SEC24B: variants seen among roughly 807,000 people sequenced by gnomAD.
SEC24B encodes protein transport protein Sec24B.
Under a neutral mutation model 142.8 loss-of-function variants are expected in SEC24B, and 45 were observed. The ratio of observed to expected loss-of-function variants is 0.32; its 90% CI spans 0.25 to 0.40. SEC24B has a LOEUF of 0.40. Among genes scored for constraint, SEC24B ranks in the 10% least tolerant of loss-of-function variants. The pLI, the probability that SEC24B is intolerant of heterozygous loss-of-function variation, is 1.00. For missense variants in SEC24B, 1,409 were observed against 1,526.8 expected, an observed-to-expected ratio of 0.92 and a Z score of 1.29; for synonymous variants, 574 against 568.2, an observed-to-expected ratio of 1.01 and a Z score of -0.15.
intron 11 of SEC24B, among the ~76,000 whole-genome samples, chr4:109,519,055 C>T (rs1016541259): frequency 1.3e-5 from 2 of 152,080 alleles, no homozygotes; most frequent in African/African-American, 4.8e-5. Flanking sequence ...GATCCACCCA[C>T]CTCGGCCTCC....
intron 1 of SEC24B, among the ~76,000 whole-genome samples, 195 bp from the exon 2 acceptor site, chr4:109,462,706 G>C (rs948834783): frequency 6.6e-6 from 1 of 152,188 alleles, no homozygotes; most frequent in African/African-American, 2.4e-5. Flanking sequence ...CTACAAGGGT[G>C]TGAATAACAG....
chr4:109,468,576 T>C (rs1206882203), intron 2 of SEC24B, among the ~76,000 whole-genome samples: 1 of 152,216 alleles, frequency 6.6e-6, no homozygotes, highest in Non-Finnish European at 1.5e-5. Flanking sequence ...CAGATTTGTG[T>C]TTCAGAACTT....
intron 1 of SEC24B, among the ~76,000 whole-genome samples, chr4:109,460,144 C>A (rs1731108974): frequency 6.6e-6 from 1 of 152,030 alleles, no homozygotes; most frequent in African/African-American, 2.4e-5. Flanking sequence ...ATATTTTTCC[C>A]TTACAGCTTG....
At chr4:109,523,880 C>G (rs1298467145) in intron 14 of SEC24B, among the ~76,000 whole-genome samples, 2 of 152,186 alleles carry the variant, frequency 1.3e-5, no homozygotes, top group East Asian at 3.9e-4. Context: ...AGTAGCATTG[C>G]TTTTTTTATT....
intron 2 of SEC24B, among the ~76,000 whole-genome samples, chr4:109,466,253 C>G (rs541641438): frequency 6.6e-6 from 1 of 152,024 alleles, no homozygotes; most frequent in African/African-American, 2.4e-5. Flanking sequence ...GTTGCAGTGC[C>G]TTGGGGAGCC....
At chr4:109,488,022 T>C (rs1466375700) in intron 4 of SEC24B, among the ~76,000 whole-genome samples, 1 of 152,176 alleles carries the variant, frequency 6.6e-6, no homozygotes, top group South Asian at 2.1e-4. Flanking sequence ...CTTTGGACTT[T>C]ATTTTTTTTC....
chr4:109,455,183 T>C (rs1730537150), intron 1 of SEC24B, among the ~76,000 whole-genome samples: 1 of 152,164 alleles, frequency 6.6e-6, no homozygotes. Flanking sequence ...AAGAATTCAT[T>C]GTCAATCCCA....
intron 1 of SEC24B, among the ~76,000 whole-genome samples, chr4:109,445,967 CTTTT>C (rs34601695): frequency 3.1e-5 from 4 of 130,942 alleles, no homozygotes; most frequent in African/African-American, 5.6e-5. Context: ...TTCTAAGATG[CTTTT>C]TTTTTTTTTT....
intron 1 of SEC24B, among the ~76,000 whole-genome samples, chr4:109,453,609 C>A (rs866385710): frequency 6.6e-6 from 1 of 152,060 alleles, no homozygotes; most frequent in African/African-American, 2.4e-5. Flanking sequence ...TCCTGAAAAT[C>A]GCTGTTATCC....
At chr4:109,515,438 C>A (rs1416159959) in intron 10 of SEC24B, among the ~76,000 whole-genome samples, 1 of 151,970 alleles carries the variant, frequency 6.6e-6, no homozygotes, top group Admixed American at 6.6e-5. Flanking sequence ...TTAATATATT[C>A]TTTTATTTTA....
chr4:109,462,886 T>C lies in SEC24B; in HGVS notation c.134-15T>C. 1.7e-6 allele frequency: 1 copy of C among 582,764 alleles called. No homozygotes were observed. The highest frequency in any genetic ancestry group is 2.6e-6 in the Non-Finnish European group (1 of 379,370). The allele number at this position is 582,764 out of a possible 1,614,324, so 36.1% of individuals were successfully genotyped here. ...TTATCTCTTTACAAATACCTGTAAA[T>C]ACTTGCTTTTTCAGGTCCAGCCCAG... On this transcript the variant is annotated splice_polypyrimidine_tract_variant and intron_variant, in intron 1 of 23. Transcript: ENST00000265175.
chr4:109,502,390 A>G (rs1386062438), intron 6 of SEC24B, among the ~76,000 whole-genome samples: 1 of 152,238 alleles, frequency 6.6e-6, no homozygotes, highest in African/African-American at 2.4e-5. Flanking sequence ...GATTAGAGAT[A>G]GGAGTATTTG....
intron 6 of SEC24B, among the ~76,000 whole-genome samples, chr4:109,500,391 A>C (rs113166007): frequency 6.6e-6 from 1 of 151,882 alleles, no homozygotes; most frequent in African/African-American, 2.4e-5. Flanking sequence ...TAAAAATACA[A>C]AAATTACCTG....
chr4:109,521,774 C>A, intron 14 of SEC24B, 148 bp downstream of exon 14: 1 of 654,634 alleles, frequency 1.5e-6, no homozygotes. Context: ...CACTGTTGCC[C>A]AGGCTGGAGC....
rs910581814 is a variant in SEC24B, at chr4:109,498,553, A to G, written c.1488+3697A>G. On this transcript the variant is annotated intron_variant, in intron 6 of 23. Coordinates refer to ENST00000265175, the MANE Select transcript of SEC24B (RefSeq NM_006323.5). ...CTAATTTTTTGTATTTTTAGTAGAG[A>G]CAGGGTTTCACTGTGTTAGCCAGGA... Among the ~76,000 whole-genome samples the G allele has an allele frequency of 2.6e-5, 4 of 152,076 alleles. No homozygotes were observed. In the South Asian group the frequency reaches 8.3e-4, roughly 31 times the overall value.
rs750588117 is a variant in SEC24B, at chr4:109,463,590, A to T, written c.823A>T (p.Ile275Phe). ...PGLPSTQDNLIRNHTGSLAVA... is the reference protein window; with the variant it reads ...PGLPSTQDNLFRNHTGSLAVA... ...CCTTCCATCGACTCAAGACAATCTC[A>T]TCCGAAACCACACAGGATCCCTGGC... The change falls in exon 2 of 24, where the codon ATC (isoleucine) becomes TTC (phenylalanine). Residue 275 changes from isoleucine (I) to phenylalanine (F), a missense_variant. Ile to Phe is a conservative substitution (Grantham distance 21). Around this residue, in one of 2 missense-constraint regions of SEC24B, gnomAD observed 709 missense variants for 673.5 expected, o/e 1.05. Coordinates refer to ENST00000265175, the MANE Select transcript of SEC24B (RefSeq NM_006323.5). 5.6e-6 allele frequency: 9 copies of T among 1,605,162 alleles called. No homozygotes were observed. The South Asian group carries it at 7.7e-5, about 14-fold the overall frequency.
Position 109,463,629 on chromosome 4 carries a change from A to C in SEC24B, c.862A>C (p.Asn288His). 6.2e-7 allele frequency: 1 copy of C among 1,613,086 alleles called. No individual in the cohort carries two copies. ...HTGSLAVANNNPTITVADSLS... is the reference protein window; with the variant it reads ...HTGSLAVANNHPTITVADSLS... ...AGGATCCCTGGCTGTAGCGAACAAC[A>C]ACCCAACCATTACTGGTAGGTTGAA... The change falls in exon 2 of 24, where the codon AAC becomes CAC. Residue 288 changes from asparagine (N) to histidine (H), a missense_variant. By Grantham distance (68) the Asn-to-His change is moderately conservative. Around this residue, in one of 2 missense-constraint regions of SEC24B, gnomAD observed 709 missense variants for 673.5 expected, o/e 1.05. Transcript: ENST00000265175.
At chr4:109,522,329 G>A (rs777434631) in intron 14 of SEC24B, among the ~76,000 whole-genome samples, 2 of 152,286 alleles carry the variant, frequency 1.3e-5, no homozygotes, top group Middle Eastern at 3.4e-3. Flanking sequence ...GGGATTACAG[G>A]CGTGAGCCAC....
intron 10 of SEC24B, among the ~76,000 whole-genome samples, chr4:109,516,325 C>T (rs1200002251): frequency 6.6e-6 from 1 of 152,058 alleles, no homozygotes; most frequent in Non-Finnish European, 1.5e-5. Context: ...GTATCAACTG[C>T]CTTATCATGC....
Sources: allele counts gnomAD v4.1 joint callset (sites outside exome capture counted in the v4.1 genomes callset), GRCh38; gene constraint gnomAD v4.1.1; regional missense constraint gnomAD v4.1.1; transcripts MANE v1.5; gene names NCBI Gene and HGNC (gene_info 2026-07-23, HGNC 2026-07-21).